The following SHMT1 variants were observed in gnomAD, a reference collection of about 807,000 sequenced individuals.
SHMT1 encodes serine hydroxymethyltransferase, cytosolic.
In SHMT1, 45 loss-of-function variants were observed where a neutral mutation model predicts 49.0. The observed-to-expected ratio is 0.92, with a 90% CI of 0.72 to 1.18. The LOEUF is 1.18. Among genes scored for constraint, SHMT1 ranks in the 50% most tolerant of loss-of-function variants. The probability of loss-of-function intolerance (pLI) is 0.00; values close to 1 mark genes in which losing one functional copy is unlikely to be tolerated. For synonymous variants in SHMT1, 232 were observed against 246.6 expected (o/e 0.94, Z 0.55); for missense variants, 541 against 612.4 (o/e 0.88, Z 1.23).
intron 5 of SHMT1, among the ~76,000 whole-genome samples, chr17:18,345,471 G>A (rs1984990861): frequency 6.6e-6 from 1 of 152,046 alleles, no homozygotes; most frequent in Non-Finnish European, 1.5e-5. Flanking sequence ...TGGCCAGGCT[G>A]GTCTCGAACT....
In SHMT1 at chr17:18,340,990, C is replaced by A. The variant is rs1339100197; in HGVS notation, c.520-177G>T. 1 of 645,630 alleles carries A rather than the reference C, an allele frequency of 1.5e-6. No individual in the cohort carries two copies. Among genetic ancestry groups the A allele is most frequent in the Non-Finnish European group, 2.8e-6 (1 of 353,050 alleles). The allele number at this position is 645,630 out of a possible 1,614,324, so 40.0% of individuals were successfully genotyped here. ...TCAGCCTGCTCAACCAAGTATGGCT[C>A]ACAGACCCAGGAGTCCCTGAGGAGT... On this transcript the variant is annotated intron_variant, in intron 5 of 11. Transcript: ENST00000316694. The surrounding 1 kb of genome is among the most constrained non-coding windows in gnomAD (Gnocchi z 4.5).
At chr17:18,341,655 A>C (rs1180570967) in intron 5 of SHMT1, 1 of 152,658 alleles carries the variant, frequency 6.6e-6, no homozygotes, top group East Asian at 1.9e-4. Flanking sequence ...CTGAAAAAAA[A>C]AAAAAAAAAA....
intron 1 of SHMT1, among the ~76,000 whole-genome samples, chr17:18,362,403 C>T (rs1312135811): frequency 6.6e-6 from 1 of 152,140 alleles, no homozygotes; most frequent in Non-Finnish European, 1.5e-5. Context: ...TCACTGCAAC[C>T]TCCACCTCCC....
intron 8 of SHMT1, among the ~76,000 whole-genome samples, chr17:18,334,147 G>A (rs1214162092): frequency 6.6e-6 from 1 of 152,152 alleles, no homozygotes; most frequent in East Asian, 1.9e-4. Context: ...ACTGTATGTT[G>A]GCCAGGCTGT....
intron 9 of SHMT1, 41 bp downstream of exon 9, chr17:18,333,125 A>G (rs779515423): frequency 1.2e-6 from 2 of 1,612,364 alleles, no homozygotes; most frequent in Non-Finnish European, 1.7e-6. Context: ...CCTTAATACA[A>G]CCACAAGAAC....
At chr17:18,346,836 ATACTG>A (rs1458989809) in intron 5 of SHMT1, among the ~76,000 whole-genome samples, 1 of 152,170 alleles carries the variant, frequency 6.6e-6, no homozygotes, top group Non-Finnish European at 1.5e-5. Context: ...AATCTACTGA[ATACTG>A]TACTGAAACT....
chr17:18,333,050 C>A (rs773646328), intron 9 of SHMT1, 116 bp downstream of exon 9: 1 of 1,337,728 alleles, frequency 7.5e-7, no homozygotes, highest in Non-Finnish European at 1.1e-6. Flanking sequence ...CCAAGGTGGG[C>A]CCATCATTGC....
At chr17:18,347,387 G>C (rs1985192160) in intron 5 of SHMT1, 109 bp downstream of exon 5, 1 of 1,238,062 alleles carries the variant, frequency 8.1e-7, no homozygotes, top group African/African-American at 1.5e-5. Context: ...AACGGTGCGA[G>C]GTGGGGACTT....
chr17:18,347,742 C>T, intron 4 of SHMT1, 86 bp from the exon 5 acceptor site: 2 of 1,489,512 alleles, frequency 1.3e-6, no homozygotes, highest in Non-Finnish European at 1.9e-6. Flanking sequence ...AAGCCTTCAC[C>T]CAGGAGTGGC....
chr17:18,347,913 A>AG, intron 4 of SHMT1, among the ~76,000 whole-genome samples: 1 of 141,078 alleles, frequency 7.1e-6, no homozygotes, highest in South Asian at 2.2e-4. Context: ...TATTTATGGC[A>AG]GTTTTTTTTT....
At position 18,333,307 on chromosome 17, in the gene SHMT1, T is replaced by C; in HGVS notation, c.932-19A>G. On this transcript the variant is annotated intron_variant, in intron 8 of 11. Transcript: ENST00000316694. ...GCAACCCCTGGACAAGAAGAGACAA[T>C]GGGTCAGGAGGCTAGGATAGAATCA... The C allele has an allele frequency of 6.2e-7, 1 of 1,612,020 alleles. No homozygotes were observed. The highest frequency in any genetic ancestry group is 8.5e-7 in the Non-Finnish European group (1 of 1,179,562).
intron 3 of SHMT1, 148 bp downstream of exon 3, chr17:18,353,524 G>T (rs1985925580): frequency 2.4e-6 from 2 of 850,586 alleles, no homozygotes; most frequent in Non-Finnish European, 4.1e-6. Flanking sequence ...GGGAATAAAA[G>T]AGTTCTGTCA....
intron 1 of SHMT1, among the ~76,000 whole-genome samples, chr17:18,358,018 C>A (rs1483501461): frequency 6.6e-6 from 1 of 151,024 alleles, no homozygotes; most frequent in Non-Finnish European, 1.5e-5. Context: ...CACCCACCAC[C>A]ATGCCTGGCT....
At chr17:18,336,049 C>A (rs892536189) in intron 7 of SHMT1, among the ~76,000 whole-genome samples, 1 of 152,012 alleles carries the variant, frequency 6.6e-6, no homozygotes, top group Admixed American at 6.6e-5. Flanking sequence ...GAGGCCAAGG[C>A]GGGCGGATCA....
At chr17:18,333,755 C>T (rs1983496975) in intron 8 of SHMT1, among the ~76,000 whole-genome samples, 1 of 151,682 alleles carries the variant, frequency 6.6e-6, no homozygotes, top group South Asian at 2.1e-4. Context: ...CAGGCATGAG[C>T]ACCATGCCCA....
At chr17:18,352,150 C>CTTTTT (rs60700438) in intron 3 of SHMT1, among the ~76,000 whole-genome samples, 44,356 of 132,476 alleles carry the variant, frequency 0.33, 8,382 homozygotes, top group Non-Finnish European at 0.39. Flanking sequence ...CAGTCCCCTT[C>CTTTTT]TTTTTTTTTT....
rs1984444992 is a variant in SHMT1, at chr17:18,340,991, A to G, written c.520-178T>C. 9.3e-6 allele frequency: 6 copies of G among 644,874 alleles called. No individual in the cohort carries two copies. Among genetic ancestry groups the G allele is most frequent in the Admixed American group, 4.3e-5 (2 of 46,852 alleles). The allele number at this position is 644,874 out of a possible 1,614,324, so 39.9% of individuals were successfully genotyped here. A position where few individuals can be genotyped will look rare whatever the true frequency, so the allele number is the denominator to read the frequency against. ...CAGCCTGCTCAACCAAGTATGGCTC[A>G]CAGACCCAGGAGTCCCTGAGGAGTC... On this transcript the variant is annotated intron_variant, in intron 5 of 11. Transcript: ENST00000316694. This position sits in a 1 kb window ranked among gnomAD's most constrained non-coding sequence, Gnocchi z 4.5.
chr17:18,345,073 G>T (rs1025570785), intron 5 of SHMT1, among the ~76,000 whole-genome samples: 5 of 152,128 alleles, frequency 3.3e-5, no homozygotes, highest in Admixed American at 1.3e-4. Context: ...CCAAGGGCAG[G>T]ACTCAAATCA....
At position 18,340,453 on chromosome 17, in the gene SHMT1, G is replaced by A; in HGVS notation, c.602-198C>T. On this transcript the variant is annotated intron_variant, in intron 6 of 11. Transcript: ENST00000316694. The surrounding 1 kb of genome is among the most constrained non-coding windows in gnomAD (Gnocchi z 4.5). Reference sequence around the variant, plus strand: ...ACTCTAACTCTTCAACGTCTTGGTGGTTGAGATGGCCCCAACTACTATTGC... The same window carrying A: ...ACTCTAACTCTTCAACGTCTTGGTGATTGAGATGGCCCCAACTACTATTGC... The A allele has an allele frequency of 1.4e-6, 1 of 692,206 alleles. No homozygotes were observed. 42.9% of individuals were successfully genotyped at this position (692,206 alleles called of 1,614,324 possible). A position where few individuals can be genotyped will look rare whatever the true frequency, so the allele number is the denominator to read the frequency against.
Sources: gnomAD v4.1 joint callset for allele counts (sites outside exome capture counted in the v4.1 genomes callset) on GRCh38, gnomAD v4.1.1 for gene constraint, Gnocchi (gnomAD v3.1) non-coding constraint, MANE v1.5 for transcripts, NCBI Gene and HGNC (gene_info 2026-07-23, HGNC 2026-07-21) for gene names.